The following FAM120A variants were observed in gnomAD, a reference collection of about 807,000 sequenced individuals.
The protein encoded by FAM120A is family with sequence similarity 120 member A, also known as constitutive coactivator of PPAR-gamma-like protein 1.
A neutral mutation model predicts 109.7 loss-of-function variants in FAM120A; 15 were observed. That is an observed-to-expected ratio of 0.14 (90% CI 0.09 to 0.21). The LOEUF is 0.21. Among genes scored for constraint, FAM120A ranks in the 10% least tolerant of loss-of-function variants. The pLI is 1.00. For missense variants in FAM120A, 899 were observed against 1,439.3 expected (o/e 0.62, Z 6.07); for synonymous variants, 493 against 572.8 (o/e 0.86, Z 1.99).
intron 3 of FAM120A, among the ~76,000 whole-genome samples, chr9:93,489,728 C>T (rs969261289): frequency 6.6e-6 from 1 of 152,190 alleles, no homozygotes; most frequent in Non-Finnish European, 1.5e-5. Context: ...TGTGTCATAA[C>T]GTTTCAAGAA....
intron 10 of FAM120A, among the ~76,000 whole-genome samples, chr9:93,538,604 T>C (rs190731412): frequency 7.2e-5 from 11 of 152,342 alleles, no homozygotes; most frequent in Admixed American, 6.5e-4. Context: ...CAGGCGTGCA[T>C]GCATACTGCA....
chr9:93,456,874 T>A (rs768458851), intron 1 of FAM120A, among the ~76,000 whole-genome samples: 1 of 152,226 alleles, frequency 6.6e-6, no homozygotes, highest in Non-Finnish European at 1.5e-5. Context: ...CAGTAGATCC[T>A]GGACACTGAC....
rs1307620140 is a variant in FAM120A, at chr9:93,532,581, T to C, written c.1909+252T>C. On this transcript the variant is annotated intron_variant, in intron 10 of 17. Coordinates refer to ENST00000277165, the MANE Select transcript of FAM120A (RefSeq NM_014612.5). The surrounding 1 kb of genome is among the most constrained non-coding windows in gnomAD (Gnocchi z 4.3). ...AAAATAATAAAACAGGTTTACACTT[T>C]AAAGTGAATGTTGATCTGAAAGCAG... is the stretch of plus-strand genomic sequence containing the variant. 8.6e-6 allele frequency: 4 copies of C among 467,728 alleles called. No homozygotes were observed. Among genetic ancestry groups the C allele is most frequent in the African/African-American group, 2.0e-5 (1 of 51,116 alleles). The allele number at this position is 467,728 out of a possible 1,614,324, so 29.0% of individuals were successfully genotyped here.
chr9:93,511,170 G>T (rs930633170), intron 5 of FAM120A, among the ~76,000 whole-genome samples: 13 of 152,080 alleles, frequency 8.5e-5, no homozygotes, highest in Non-Finnish European at 1.6e-4. Context: ...CGCAGGATGT[G>T]CCTGTTCACT....
At chr9:93,523,355 G>A (rs1384409262) in intron 7 of FAM120A, 1 of 1,287,488 alleles carries the variant, frequency 7.8e-7, no homozygotes. Context: ...CCAGGATCCT[G>A]AGGCATGGGT....
chr9:93,458,020 C>T (rs1014080706), intron 1 of FAM120A, among the ~76,000 whole-genome samples: 5 of 152,038 alleles, frequency 3.3e-5, no homozygotes, highest in Non-Finnish European at 7.3e-5. Context: ...GAGTGCTAAC[C>T]CACATGTTTA....
At chr9:93,526,290 C>T (rs1448635504) in intron 7 of FAM120A, among the ~76,000 whole-genome samples, 1 of 152,202 alleles carries the variant, frequency 6.6e-6, no homozygotes, top group Non-Finnish European at 1.5e-5. Flanking sequence ...TCACATTCGC[C>T]TGAGGACTAT....
chr9:93,468,903 C>A (rs1014891980), intron 1 of FAM120A, among the ~76,000 whole-genome samples: 1 of 152,190 alleles, frequency 6.6e-6, no homozygotes, highest in African/African-American at 2.4e-5. Flanking sequence ...GACAGCATTA[C>A]TTGAAAGCTG....
chr9:93,473,256 A>G (rs1054060047), intron 2 of FAM120A, among the ~76,000 whole-genome samples: 1 of 151,590 alleles, frequency 6.6e-6, no homozygotes, highest in Non-Finnish European at 1.5e-5. Context: ...AGCTCAAGCA[A>G]TCCACCCACC....
At chr9:93,489,560 T>C (rs1859221264) in intron 3 of FAM120A, among the ~76,000 whole-genome samples, 1 of 152,242 alleles carries the variant, frequency 6.6e-6, no homozygotes, top group Admixed American at 6.5e-5. Context: ...GATGAAGAAC[T>C]TTTCTTTGTT....
In FAM120A at chr9:93,529,677, T is replaced by C. The variant is rs772400312; in HGVS notation, c.1734+97T>C. 7.5e-5 allele frequency: 79 copies of C among 1,047,198 alleles called. No homozygotes were observed. In the Middle Eastern group the frequency reaches 1.0e-3, roughly 13 times the overall value. 64.9% of individuals were successfully genotyped at this position (1,047,198 alleles called of 1,614,324 possible). ...TTTGTCCTTTTTTGAACCATTTTTC[T>C]GTCTTACTAATCTACTTGAAACAAA... On this transcript the variant is annotated intron_variant, in intron 9 of 17. Transcript: ENST00000277165.
chr9:93,485,839 G>C (rs1433303603), intron 3 of FAM120A, among the ~76,000 whole-genome samples: 1 of 151,734 alleles, frequency 6.6e-6, no homozygotes, highest in Non-Finnish European at 1.5e-5. Flanking sequence ...TATGACTTCT[G>C]TCTCTATGGA....
chr9:93,547,160 T>C (rs1191081524), intron 11 of FAM120A, among the ~76,000 whole-genome samples: 1 of 152,098 alleles, frequency 6.6e-6, no homozygotes, highest in African/African-American at 2.4e-5. Flanking sequence ...GCAGAGCAGG[T>C]CTTTTTGGGG....
intron 1 of FAM120A, 149 bp from the exon 2 acceptor site, chr9:93,470,992 C>T: frequency 1.1e-6 from 1 of 925,330 alleles, no homozygotes; most frequent in Non-Finnish European, 1.6e-6. Context: ...GTGTTGCAAA[C>T]TTTATTATGG....
chr9:93,497,413 A>G lies in FAM120A; in HGVS notation c.805-58A>G, dbSNP rs1001537189. The G allele has an allele frequency of 8.0e-5, 127 of 1,597,346 alleles. 1 individual carries two copies. Among genetic ancestry groups the G allele is most frequent in the Non-Finnish European group, 1.3e-5 (15 of 1,175,022 alleles). On this transcript the variant is annotated intron_variant, in intron 3 of 17. Transcript: ENST00000277165. ...TTGAATTTCTGGCTCCTGCATTCAG[A>G]TTAGCCTGGTACTGGTTGCTCACCA...
intron 7 of FAM120A, among the ~76,000 whole-genome samples, chr9:93,519,399 G>A (rs1446573054): frequency 6.6e-6 from 1 of 151,884 alleles, no homozygotes; most frequent in Non-Finnish European, 1.5e-5. Context: ...CTACTACCAT[G>A]CCCAGCTAAT....
intron 7 of FAM120A, among the ~76,000 whole-genome samples, chr9:93,521,969 A>G (rs1860865468): frequency 6.6e-6 from 1 of 152,162 alleles, no homozygotes; most frequent in African/African-American, 2.4e-5. Context: ...AGTCCCAGCT[A>G]CTTGGGAGGC....
intron 11 of FAM120A, among the ~76,000 whole-genome samples, chr9:93,549,341 A>T (rs776298982): frequency 6.6e-6 from 1 of 152,180 alleles, no homozygotes; most frequent in Non-Finnish European, 1.5e-5. Context: ...CCCTTCTCTA[A>T]ATTGGGATAA....
intron 5 of FAM120A, among the ~76,000 whole-genome samples, chr9:93,501,968 A>C (rs1453583993): frequency 6.6e-6 from 1 of 152,218 alleles, no homozygotes; most frequent in Non-Finnish European, 1.5e-5. Context: ...TCTAGAAGGA[A>C]CAACATGGAG....
Sources: allele counts gnomAD v4.1 joint callset (sites outside exome capture counted in the v4.1 genomes callset), GRCh38; gene constraint gnomAD v4.1.1; non-coding constraint Gnocchi (gnomAD v3.1); transcripts MANE v1.5; gene names NCBI Gene and HGNC (gene_info 2026-07-23, HGNC 2026-07-21).